Variants in NFIA observed in about 807,000 individuals in gnomAD.
The protein encoded by NFIA is nuclear factor I A.
NFIA carries 8 observed loss-of-function variants against 62.8 expected under a neutral mutation model. The observed-to-expected ratio is 0.13, with a 90% CI of 0.07 to 0.23. The LOEUF is 0.23. Among genes scored for constraint, NFIA ranks in the 10% least tolerant of loss-of-function variants. NFIA has a pLI of 1.00. For missense variants in NFIA, 410 were observed against 642.1 expected, an observed-to-expected ratio of 0.64 and a Z score of 3.91; for synonymous variants, 235 against 238.1, an observed-to-expected ratio of 0.99 and a Z score of 0.12.
intron 10 of NFIA, among the ~76,000 whole-genome samples, chr1:61,432,645 A>ACATATATATACACG (rs1667154147): frequency 1.0e-5 from 1 of 99,506 alleles, no homozygotes; most frequent in African/African-American, 4.2e-5. Flanking sequence ...ATATATACAC[A>ACATATATATACACG]TATATATACA....
At chr1:61,090,465 T>TA (rs1646300723) in intron 2 of NFIA, among the ~76,000 whole-genome samples, 1 of 152,198 alleles carries the variant, frequency 6.6e-6, no homozygotes, top group African/African-American at 2.4e-5. Flanking sequence ...GTTTTCGTCT[T>TA]AAACATTTCT....
chr1:61,346,044 A>G (rs1348217203), intron 4 of NFIA, among the ~76,000 whole-genome samples: 1 of 152,156 alleles, frequency 6.6e-6, no homozygotes, highest in African/African-American at 2.4e-5. Context: ...CAGGATTGGG[A>G]ATCTAGACAA....
chr1:61,135,279 G>T (rs1478261468), intron 2 of NFIA, among the ~76,000 whole-genome samples: 2 of 152,200 alleles, frequency 1.3e-5, no homozygotes. Flanking sequence ...TGAGGCCCAG[G>T]TAGCCCAGAC....
chr1:61,185,575 A>T (rs1362314508), intron 2 of NFIA, among the ~76,000 whole-genome samples: 1 of 150,804 alleles, frequency 6.6e-6, no homozygotes, highest in Non-Finnish European at 1.5e-5. Context: ...AACTTGTTGC[A>T]TTGGCCTGCA....
chr1:61,187,243 G>C (rs1651254285), intron 2 of NFIA, among the ~76,000 whole-genome samples: 1 of 152,038 alleles, frequency 6.6e-6, no homozygotes, highest in African/African-American at 2.4e-5. Context: ...ATATTGAAAT[G>C]AGATCTGTGA....
upstream of NFIA, chr1:61,081,858 G>C (rs1646099501): frequency 2.0e-6 from 3 of 1,536,110 alleles, no homozygotes; most frequent in South Asian, 3.6e-5. Flanking sequence ...TCGCTGGAGA[G>C]ATTACAATGC....
intron 9 of NFIA, among the ~76,000 whole-genome samples, chr1:61,423,413 C>T (rs184505846): frequency 6.6e-6 from 1 of 152,228 alleles, no homozygotes; most frequent in East Asian, 1.9e-4. Flanking sequence ...ACCTCCCCTC[C>T]AGAATGCCCA....
At chr1:61,123,038 A>G (rs1451539498) in intron 2 of NFIA, among the ~76,000 whole-genome samples, 5 of 152,202 alleles carry the variant, frequency 3.3e-5, no homozygotes, top group Admixed American at 3.3e-4. Context: ...CTAACCCCTA[A>G]TCAGTATTCT....
chr1:61,289,840 C>T (rs1180609577), intron 3 of NFIA, among the ~76,000 whole-genome samples: 1 of 152,094 alleles, frequency 6.6e-6, no homozygotes, highest in African/African-American at 2.4e-5. Flanking sequence ...TCAGAACTAA[C>T]AGGACTGTTT....
chr1:61,159,826 C>T (rs1389420515), intron 2 of NFIA, among the ~76,000 whole-genome samples: 4 of 151,654 alleles, frequency 2.6e-5, no homozygotes, highest in East Asian at 1.9e-4. Flanking sequence ...GAATTACAGG[C>T]GCCTGCCACC....
At chr1:61,354,400 C>T (rs17121983) in intron 5 of NFIA, among the ~76,000 whole-genome samples, 1 of 151,918 alleles carries the variant, frequency 6.6e-6, no homozygotes, top group Non-Finnish European at 1.5e-5. Flanking sequence ...AAATGTTCAC[C>T]GATCAATATG....
intron 2 of NFIA, among the ~76,000 whole-genome samples, chr1:61,127,254 G>A (rs893433952): frequency 5.3e-5 from 8 of 151,288 alleles, no homozygotes; most frequent in East Asian, 2.0e-4. Context: ...TCAGGAGATC[G>A]AGACCATCCT....
chr1:61,382,004 T>C (rs1160932401), intron 6 of NFIA, among the ~76,000 whole-genome samples: 1 of 152,182 alleles, frequency 6.6e-6, no homozygotes, highest in Non-Finnish European at 1.5e-5. Context: ...TTCCAGTTCA[T>C]CCAAATAATT....
At chr1:61,119,433 G>T (rs1179060597) in intron 2 of NFIA, among the ~76,000 whole-genome samples, 1 of 152,174 alleles carries the variant, frequency 6.6e-6, no homozygotes, top group African/African-American at 2.4e-5. Flanking sequence ...TTAGTAAGAG[G>T]AAATTTCTGT....
In NFIA at chr1:61,460,960, T is replaced by G. The variant is rs1668506399; in HGVS notation, c.*5640T>G. 6.6e-6 allele frequency: 1 copy of G among 152,240 alleles called. No individual in the cohort carries two copies. The highest frequency in any genetic ancestry group is 2.4e-5 in the African/African-American group (1 of 41,450). The allele number at this position is 152,240 out of a possible 1,614,324, so 9.4% of individuals were successfully genotyped here. On this transcript the variant is annotated 3_prime_UTR_variant, in exon 11 of 11. Transcript: ENST00000403491. ...CTTGATTTCGGCTGTTTTCAGTATT[T>G]TGGAGGTATACATTTACTTAAATTC...
Position 61,458,176 on chromosome 1 carries a change from A to C in NFIA, c.*2856A>C, listed in dbSNP as rs1434023993. The C allele has an allele frequency of 3.3e-5, 5 of 151,286 alleles. No individual in the cohort carries two copies. The highest frequency in any genetic ancestry group is 7.4e-5 in the Non-Finnish European group (5 of 67,922). The allele number at this position is 151,286 out of a possible 1,614,324, so 9.4% of individuals were successfully genotyped here. A position where few individuals can be genotyped will look rare whatever the true frequency, so the allele number is the denominator to read the frequency against. On this transcript the variant is annotated 3_prime_UTR_variant, in exon 11 of 11. Transcript: ENST00000403491. ...TAGCTGGGCATTACTTTATTATGACATATGTGCACTAAAAAATGAAAAAAA... is the reference window on the plus strand; with the variant it reads ...TAGCTGGGCATTACTTTATTATGACCTATGTGCACTAAAAAATGAAAAAAA...
intron 3 of NFIA, among the ~76,000 whole-genome samples, chr1:61,326,726 G>A (rs993451085): frequency 3.3e-5 from 5 of 152,208 alleles, no homozygotes; most frequent in African/African-American, 1.2e-4. Flanking sequence ...TTCCCCAGTG[G>A]TGGGGGCAGC....
upstream of NFIA, among the ~76,000 whole-genome samples, chr1:61,078,228 T>C (rs1043191686): frequency 1.3e-5 from 2 of 151,526 alleles, no homozygotes; most frequent in Non-Finnish European, 2.9e-5. Context: ...CTTCCGGATT[T>C]AGCAAGCACA....
intron 6 of NFIA, among the ~76,000 whole-genome samples, chr1:61,368,121 T>C (rs1398905627): frequency 6.6e-6 from 1 of 152,242 alleles, no homozygotes; most frequent in African/African-American, 2.4e-5. Flanking sequence ...CAGCTGGTCT[T>C]GTCTGAATAA....
Sources: gnomAD v4.1 joint callset for allele counts (sites outside exome capture counted in the v4.1 genomes callset) on GRCh38, gnomAD v4.1.1 for gene constraint, MANE v1.5 for transcripts, NCBI Gene and HGNC (gene_info 2026-07-23, HGNC 2026-07-21) for gene names.